Variants in UBOX5 observed in about 807,000 individuals in gnomAD.
UBOX5 encodes the protein RING finger protein 37.
In UBOX5, 28 loss-of-function variants were observed where a neutral mutation model predicts 39.0. That is an observed-to-expected ratio of 0.72 (90% CI 0.53 to 0.98). The LOEUF (loss-of-function observed/expected upper bound fraction) is 0.98. Ranked by LOEUF, UBOX5 falls within the 50% of genes least tolerant of loss-of-function variation. The probability of loss-of-function intolerance (pLI) is 0.00; values close to 1 mark genes in which losing one functional copy is unlikely to be tolerated. For missense variants in UBOX5, 585 were observed against 674.4 expected (o/e 0.87, Z 1.47); for synonymous variants, 283 against 275.5 (o/e 1.03, Z -0.27).
At chr20:3,159,300 C>T (rs2066722072) in intron 1 of UBOX5, among the ~76,000 whole-genome samples, 1 of 152,202 alleles carries the variant, frequency 6.6e-6, no homozygotes, top group Non-Finnish European at 1.5e-5. Context: ...GGCCTTGCTA[C>T]TCAGTGTGTG....
intron 1 of UBOX5, chr20:3,147,650 G>C (rs780894664): frequency 6.2e-7 from 1 of 1,614,146 alleles, no homozygotes; most frequent in East Asian, 2.2e-5. Flanking sequence ...CAGCAGGCAG[G>C]TGGGCAGGTG....
At chr20:3,119,160 G>A (rs1475127581) in intron 3 of UBOX5, among the ~76,000 whole-genome samples, 2 of 152,174 alleles carry the variant, frequency 1.3e-5, no homozygotes, top group Non-Finnish European at 2.9e-5. Flanking sequence ...GATTTCCCTC[G>A]TCTGTGCACT....
chr20:3,148,894 T>C (rs919661639), intron 1 of UBOX5: 1 of 1,614,068 alleles, frequency 6.2e-7, no homozygotes, highest in African/African-American at 1.3e-5. Flanking sequence ...AGGTGCTACA[T>C]ATGTTCTTAA....
chr20:3,154,050 G>A (rs1346939092), intron 1 of UBOX5, among the ~76,000 whole-genome samples: 1 of 152,160 alleles, frequency 6.6e-6, no homozygotes, highest in African/African-American at 2.4e-5. Context: ...AGAGTTCGCA[G>A]GATGCTCCAG....
Position 3,143,661 on chromosome 20 carries a change from G to A in UBOX5, c.-42+16105C>T, listed in dbSNP as rs549118115. On this transcript the variant is annotated intron_variant, in intron 1 of 4. Coordinates refer to ENST00000217173, the MANE Select transcript of UBOX5 (RefSeq NM_014948.4). ...ATACAAAAAATTAGCTGGGCGTGGT[G>A]GCAGGTGCCTGTAATCCCAGCTACT... Among the ~76,000 whole-genome samples, 4 of 152,228 alleles carry A rather than the reference G, an allele frequency of 2.6e-5. No individual in the cohort carries two copies. In the South Asian group the frequency reaches 6.2e-4, roughly 24 times the overall value.
chr20:3,137,460 G>A (rs2066481232), intron 1 of UBOX5, among the ~76,000 whole-genome samples: 1 of 152,024 alleles, frequency 6.6e-6, no homozygotes, highest in Admixed American at 6.6e-5. Flanking sequence ...GTAGAGACGG[G>A]GTTTCAACAT....
chr20:3,155,418 C>T (rs964827983), intron 1 of UBOX5, among the ~76,000 whole-genome samples: 1 of 151,802 alleles, frequency 6.6e-6, no homozygotes, highest in African/African-American at 2.4e-5. Context: ...GTAATCTCAG[C>T]TACTCAGAAG....
intron 1 of UBOX5, among the ~76,000 whole-genome samples, chr20:3,145,733 GC>G (rs2066555584): frequency 6.6e-6 from 1 of 152,130 alleles, no homozygotes; most frequent in Non-Finnish European, 1.5e-5. Flanking sequence ...ACCACATCCA[GC>G]ATGAGATTCT....
chr20:3,143,045 T>A (rs1032539817), intron 1 of UBOX5, among the ~76,000 whole-genome samples: 9 of 148,564 alleles, frequency 6.1e-5, no homozygotes, highest in Admixed American at 4.0e-4. Context: ...ACAAAAAAAA[T>A]TATTAGGGCT....
At chr20:3,137,928 C>A (rs2066485667) in intron 1 of UBOX5, among the ~76,000 whole-genome samples, 1 of 152,196 alleles carries the variant, frequency 6.6e-6, no homozygotes. Context: ...CACATTTAGT[C>A]TTGGCATTCA....
In UBOX5 at chr20:3,110,070, C is replaced by G. The variant is rs1282078271; in HGVS notation, c.*36G>C. 1 of 1,605,462 alleles carries G rather than the reference C, an allele frequency of 6.2e-7. No individual in the cohort carries two copies. Among genetic ancestry groups the G allele is most frequent in the East Asian group, 2.2e-5 (1 of 44,854 alleles). On this transcript the variant is annotated 3_prime_UTR_variant, in exon 5 of 5. Transcript: ENST00000217173. ...CTGCTCCTGTTCCCCCTCAGCTCCT[C>G]CCAGCAATGGGTCTCCTCCAGTGGA...
chr20:3,126,764 G>A (rs574100452), intron 1 of UBOX5, among the ~76,000 whole-genome samples: 14 of 152,032 alleles, frequency 9.2e-5, no homozygotes, highest in Middle Eastern at 3.4e-3. Flanking sequence ...GGCCTGGCAC[G>A]GTGGCTCATA....
intron 1 of UBOX5, among the ~76,000 whole-genome samples, chr20:3,151,049 T>C (rs1323052152): frequency 6.6e-6 from 1 of 150,728 alleles, no homozygotes; most frequent in African/African-American, 2.5e-5. Flanking sequence ...ACCCAGTTAG[T>C]GTGTGTTTGT....
chr20:3,131,019 CAGG>C (rs1342210092), intron 1 of UBOX5, among the ~76,000 whole-genome samples: 1 of 151,986 alleles, frequency 6.6e-6, no homozygotes, highest in East Asian at 1.9e-4. Flanking sequence ...ATCATAAGGT[CAGG>C]AGTTCAAGAC....
intron 3 of UBOX5, among the ~76,000 whole-genome samples, chr20:3,118,809 C>T (rs934206445): frequency 2.6e-4 from 39 of 151,830 alleles, no homozygotes; most frequent in African/African-American, 9.2e-4. Flanking sequence ...CGTGTTGGCA[C>T]GCACCTATAG....
At chr20:3,113,026 C>T (rs2066265138) in intron 4 of UBOX5, among the ~76,000 whole-genome samples, 1 of 150,594 alleles carries the variant, frequency 6.6e-6, no homozygotes, top group African/African-American at 2.4e-5. Flanking sequence ...GTAATCCCAG[C>T]ACTTTGGGAA....
intron 1 of UBOX5, chr20:3,146,751 C>T: frequency 6.2e-7 from 1 of 1,600,170 alleles, no homozygotes; most frequent in Non-Finnish European, 8.5e-7. Flanking sequence ...TATAGCTTTG[C>T]CATAGAAATG....
At chr20:3,159,064 G>A (rs1243498897) in intron 1 of UBOX5, among the ~76,000 whole-genome samples, 2 of 152,084 alleles carry the variant, frequency 1.3e-5, no homozygotes, top group Non-Finnish European at 2.9e-5. Context: ...TGATATGAGG[G>A]GACCCAAAGT....
chr20:3,128,270 T>C (rs2066404939), intron 1 of UBOX5, among the ~76,000 whole-genome samples: 1 of 152,228 alleles, frequency 6.6e-6, no homozygotes, highest in Non-Finnish European at 1.5e-5. Flanking sequence ...TAGCTTCCTG[T>C]CGGTTTGTTT....
Sources: allele counts gnomAD v4.1 joint callset (sites outside exome capture counted in the v4.1 genomes callset), GRCh38; gene constraint gnomAD v4.1.1; transcripts MANE v1.5; gene names NCBI Gene and HGNC (gene_info 2026-07-23, HGNC 2026-07-21).